VTI1A: variants seen among roughly 807,000 people sequenced by gnomAD.
The protein encoded by VTI1A is vesicle transport through interaction with t-SNAREs homolog 1A.
Under a neutral mutation model 34.9 loss-of-function variants are expected in VTI1A, and 22 were observed. That is an observed-to-expected ratio of 0.63 (90% CI 0.45 to 0.90). The LOEUF is 0.90. Ranked by LOEUF, VTI1A falls within the 40% of genes least tolerant of loss-of-function variation. VTI1A has a pLI of 0.00. For missense variants in VTI1A, 268 were observed against 275.6 expected, an observed-to-expected ratio of 0.97 and a Z score of 0.20; for synonymous variants, 87 against 97.3, an observed-to-expected ratio of 0.89 and a Z score of 0.62.
intron 7 of VTI1A, among the ~76,000 whole-genome samples, chr10:112,746,262 G>T (rs1411840138): frequency 6.6e-6 from 1 of 152,168 alleles, no homozygotes; most frequent in Non-Finnish European, 1.5e-5. Context: ...ATTCATCTGG[G>T]AGTATTTCTC....
intron 7 of VTI1A, among the ~76,000 whole-genome samples, chr10:112,813,059 C>G (rs1009494461): frequency 6.6e-6 from 1 of 152,186 alleles, no homozygotes; most frequent in Admixed American, 6.5e-5. Flanking sequence ...CGCGACTGTG[C>G]CATGTGCTGG....
rs538712419 is a variant in VTI1A at position 112,627,540 on chromosome 10, A to G, written c.428-40678A>G. ...TCTCTCCCACTCTAACTACTCAAATATAACCACTATTCATAGTAGGTATTT... is the reference window on the plus strand; with the variant it reads ...TCTCTCCCACTCTAACTACTCAAATGTAACCACTATTCATAGTAGGTATTT... On this transcript the variant is annotated intron_variant, in intron 5 of 7. Transcript: ENST00000393077. Among the ~76,000 whole-genome samples, 9 of 152,326 alleles carry G rather than the reference A, an allele frequency of 5.9e-5. No individual in the cohort carries two copies. The South Asian group carries it at 1.7e-3, about 28-fold the overall frequency.
In VTI1A at chr10:112,817,828, G is replaced by A. The variant is rs928136420; in HGVS notation, c.*2445G>A. On this transcript the variant is annotated 3_prime_UTR_variant, in exon 8 of 8. Coordinates refer to ENST00000393077, the MANE Select transcript of VTI1A (RefSeq NM_145206.4). ...AATATTTCTCAAGTTGGGAGCCCTT[G>A]TTAAAAATGATGTTTAAGGGAGTGG... 1 of 232,884 alleles carries A rather than the reference G, an allele frequency of 4.3e-6. No homozygotes were observed. The highest frequency in any genetic ancestry group is 6.1e-5 in the East Asian group (1 of 16,524). 14.4% of individuals were successfully genotyped at this position (232,884 alleles called of 1,614,324 possible).
At chr10:112,624,943 A>G (rs1418261744) in intron 5 of VTI1A, among the ~76,000 whole-genome samples, 1 of 152,022 alleles carries the variant, frequency 6.6e-6, no homozygotes, top group Non-Finnish European at 1.5e-5. Flanking sequence ...CAAAATATTT[A>G]AAAAATTAGC....
At chr10:112,601,752 A>G (rs1401712034) in intron 5 of VTI1A, among the ~76,000 whole-genome samples, 1 of 152,200 alleles carries the variant, frequency 6.6e-6, no homozygotes, top group African/African-American at 2.4e-5. Flanking sequence ...GGGGGATGCC[A>G]TGTGCTCTGA....
intron 5 of VTI1A, among the ~76,000 whole-genome samples, chr10:112,588,843 A>G (rs1032914974): frequency 6.6e-6 from 1 of 152,178 alleles, no homozygotes; most frequent in Admixed American, 6.5e-5. Context: ...GCTTTATTTA[A>G]TCACATTGCT....
At chr10:112,772,925 T>C (rs567981002) in intron 7 of VTI1A, among the ~76,000 whole-genome samples, 1 of 152,200 alleles carries the variant, frequency 6.6e-6, no homozygotes, top group Non-Finnish European at 1.5e-5. Context: ...GGGTGGAGTT[T>C]AGCAATAGAA....
chr10:112,589,521 G>A (rs916422956), intron 5 of VTI1A, among the ~76,000 whole-genome samples: 5 of 152,064 alleles, frequency 3.3e-5, no homozygotes, highest in East Asian at 3.9e-4. Flanking sequence ...TATCAGCCAC[G>A]TGAAAACGAA....
Position 112,749,985 on chromosome 10 carries a change from G to C in VTI1A, c.561-65305G>C, listed in dbSNP as rs967306256. On this transcript the variant is annotated intron_variant, in intron 7 of 7. Transcript: ENST00000393077. Reference sequence around the variant, plus strand: ...AATTTTCAAATATGCTATACACAAAGTATTATGCATGTTGATATATATGTA... The same window carrying C: ...AATTTTCAAATATGCTATACACAAACTATTATGCATGTTGATATATATGTA... Among the ~76,000 whole-genome samples, 6 of 152,270 alleles carry C rather than the reference G, an allele frequency of 3.9e-5. 1 individual carries two copies. Among genetic ancestry groups the C allele is most frequent in the Admixed American group, 3.9e-4 (6 of 15,298 alleles).
chr10:112,492,652 T>G (rs1266059311), intron 3 of VTI1A, among the ~76,000 whole-genome samples: 1 of 151,832 alleles, frequency 6.6e-6, no homozygotes, highest in Non-Finnish European at 1.5e-5. Context: ...CTGGGCATGG[T>G]GGAGAATGCC....
the VTI1A span, among the ~76,000 whole-genome samples, chr10:112,848,623 C>T: frequency 1.3e-5 from 2 of 152,190 alleles, no homozygotes; most frequent in Non-Finnish European, 2.9e-5. Flanking sequence ...GTCTCCTGGC[C>T]TATTACCTTA....
At chr10:112,804,212 G>A (rs777034928) in intron 7 of VTI1A, among the ~76,000 whole-genome samples, 1 of 152,190 alleles carries the variant, frequency 6.6e-6, no homozygotes, top group Non-Finnish European at 1.5e-5. Flanking sequence ...ATGTTTATGG[G>A]AGAGAAGGCT....
At chr10:112,474,158 C>T (rs1299438909) in intron 3 of VTI1A, among the ~76,000 whole-genome samples, 3 of 151,870 alleles carry the variant, frequency 2.0e-5, no homozygotes, top group African/African-American at 4.8e-5. Context: ...GCCTCCCGGG[C>T]TCATGCCATT....
chr10:112,813,052 G>C (rs1853374640), intron 7 of VTI1A, among the ~76,000 whole-genome samples: 1 of 152,170 alleles, frequency 6.6e-6, no homozygotes, highest in African/African-American at 2.4e-5. Flanking sequence ...TGTGCAACGC[G>C]ACTGTGCCAT....
chr10:112,637,101 A>G (rs1331554312), intron 5 of VTI1A, among the ~76,000 whole-genome samples: 1 of 152,214 alleles, frequency 6.6e-6, no homozygotes. Flanking sequence ...TCCAATAGAA[A>G]CATTAGAAAT....
chr10:112,693,927 T>C (rs910538995), intron 7 of VTI1A, among the ~76,000 whole-genome samples: 1 of 152,166 alleles, frequency 6.6e-6, no homozygotes, highest in South Asian at 2.1e-4. Flanking sequence ...TCTGTTTTAA[T>C]GCGAGGCTCG....
intron 3 of VTI1A, among the ~76,000 whole-genome samples, chr10:112,522,451 A>C (rs1850060591): frequency 6.6e-6 from 1 of 152,104 alleles, no homozygotes; most frequent in Admixed American, 6.6e-5. Context: ...CAGCACATAG[A>C]TTAGAATAAA....
In VTI1A at chr10:112,651,570, A is replaced by C. The variant is rs576848045; in HGVS notation, c.428-16648A>C. ...GTGATCCGCCTGCCTCAGCCTCCCAAAGTGCTGGGATTACAGGCGTAAGCC... is the reference window on the plus strand; with the variant it reads ...GTGATCCGCCTGCCTCAGCCTCCCACAGTGCTGGGATTACAGGCGTAAGCC... On this transcript the variant is annotated intron_variant, in intron 5 of 7. Coordinates refer to ENST00000393077, the MANE Select transcript of VTI1A (RefSeq NM_145206.4). Among the ~76,000 whole-genome samples, 91 of 152,326 alleles carry C rather than the reference A, an allele frequency of 6.0e-4. 1 individual carries two copies. Among genetic ancestry groups the C allele is most frequent in the African/African-American group, 2.0e-3 (83 of 41,576 alleles).
intron 5 of VTI1A, among the ~76,000 whole-genome samples, chr10:112,606,762 G>A (rs1010109227): frequency 6.6e-6 from 1 of 152,088 alleles, no homozygotes; most frequent in African/African-American, 2.4e-5. Context: ...AGAACTAGAG[G>A]GAAGACTCAC....
Sources: gnomAD v4.1 joint callset for allele counts (sites outside exome capture counted in the v4.1 genomes callset) on GRCh38, gnomAD v4.1.1 for gene constraint, MANE v1.5 for transcripts, NCBI Gene and HGNC (gene_info 2026-07-23, HGNC 2026-07-21) for gene names.